Variants in DNAJC15 observed in about 807,000 individuals in gnomAD.
DNAJC15 encodes DnaJ heat shock protein family (Hsp40) member C15.
A neutral mutation model predicts 22.4 loss-of-function variants in DNAJC15; 27 were observed. The ratio of observed to expected loss-of-function variants is 1.20; its 90% CI spans 0.89 to 1.66. DNAJC15 has a LOEUF of 1.66. Among genes scored for constraint, DNAJC15 ranks in the 40% most tolerant of loss-of-function variants. DNAJC15 has a pLI of 0.00. For synonymous variants in DNAJC15, 79 were observed against 63.2 expected, an observed-to-expected ratio of 1.25 and a Z score of -1.19; for missense variants, 208 against 187.1, an observed-to-expected ratio of 1.11 and a Z score of -0.65.
chr13:43,073,949 C>A (rs2040620606), intron 3 of DNAJC15, among the ~76,000 whole-genome samples: 1 of 143,792 alleles, frequency 7.0e-6, no homozygotes, highest in African/African-American at 2.5e-5. Context: ...GGGGAGAAAA[C>A]CCATCCTTCT....
intron 2 of DNAJC15, 71 bp from the exon 3 acceptor site, chr13:43,068,858 CA>C (rs1367316063): frequency 7.9e-7 from 1 of 1,258,150 alleles, no homozygotes; most frequent in African/African-American, 1.5e-5. Flanking sequence ...AATACTGTTG[CA>C]AGCACTTTGA....
intron 1 of DNAJC15, among the ~76,000 whole-genome samples, chr13:43,027,627 C>T (rs116041789): frequency 1.3e-5 from 2 of 152,088 alleles, no homozygotes; most frequent in African/African-American, 2.4e-5. Flanking sequence ...CATTGGTAAT[C>T]ACATGGATTA....
intron 4 of DNAJC15, among the ~76,000 whole-genome samples, chr13:43,080,027 A>T (rs1026209425): frequency 2.6e-5 from 4 of 152,200 alleles, no homozygotes; most frequent in African/African-American, 9.6e-5. Flanking sequence ...AGTTGCCGTG[A>T]AGATTAAATT....
chr13:43,078,014 T>C (rs1198834375), intron 3 of DNAJC15, among the ~76,000 whole-genome samples: 1 of 152,228 alleles, frequency 6.6e-6, no homozygotes, highest in Non-Finnish European at 1.5e-5. Context: ...ATTCCAGTGC[T>C]CTGGCTTCTC....
At chr13:43,080,853 G>A (rs1014227177) in intron 4 of DNAJC15, among the ~76,000 whole-genome samples, 1 of 152,184 alleles carries the variant, frequency 6.6e-6, no homozygotes, top group Non-Finnish European at 1.5e-5. Context: ...AACACATTAA[G>A]TGGAAAGGTA....
intron 5 of DNAJC15, among the ~76,000 whole-genome samples, chr13:43,102,248 A>G (rs975675453): frequency 5.9e-5 from 9 of 151,716 alleles, no homozygotes; most frequent in Admixed American, 2.6e-4. Flanking sequence ...TTGTCTTTTC[A>G]TGTCCTTAGC....
intron 5 of DNAJC15, among the ~76,000 whole-genome samples, chr13:43,088,033 T>G (rs2040697499): frequency 6.6e-6 from 1 of 152,172 alleles, no homozygotes; most frequent in Admixed American, 6.5e-5. Context: ...GGTTATGAAA[T>G]GAGTAGTTTT....
chr13:43,095,434 T>C (rs1386897049), intron 5 of DNAJC15, among the ~76,000 whole-genome samples: 1 of 152,072 alleles, frequency 6.6e-6, no homozygotes, highest in Non-Finnish European at 1.5e-5. Context: ...AATGAATTAG[T>C]CAGTAGATTG....
intron 1 of DNAJC15, among the ~76,000 whole-genome samples, chr13:43,032,758 G>A (rs528514413): frequency 6.6e-6 from 1 of 152,134 alleles, no homozygotes; most frequent in African/African-American, 2.4e-5. Flanking sequence ...CCGGGAGGTG[G>A]AGGCTACAGT....
chr13:43,046,830 C>T (rs984594968), intron 1 of DNAJC15, among the ~76,000 whole-genome samples: 1 of 152,228 alleles, frequency 6.6e-6, no homozygotes, highest in Admixed American at 6.5e-5. Context: ...ACTTACACCC[C>T]TCTGGATCCA....
chr13:43,056,108 T>C (rs931168809), intron 1 of DNAJC15, among the ~76,000 whole-genome samples: 3 of 152,090 alleles, frequency 2.0e-5, no homozygotes, highest in African/African-American at 7.2e-5. Flanking sequence ...AGAGAGTACT[T>C]GATATAATTT....
At chr13:43,059,762 C>T (rs1444355317) in intron 1 of DNAJC15, among the ~76,000 whole-genome samples, 2 of 152,168 alleles carry the variant, frequency 1.3e-5, no homozygotes, top group East Asian at 3.8e-4. Context: ...CGGGCTGAGT[C>T]CGAAAAGAGA....
intron 3 of DNAJC15, among the ~76,000 whole-genome samples, chr13:43,073,497 A>G (rs115616302): frequency 0.017 from 2,604 of 152,330 alleles, 90 homozygotes; most frequent in East Asian, 0.11. Context: ...CATGACAGGT[A>G]CCTGGCCTCT....
chr13:43,028,713 G>A (rs2040391561), intron 1 of DNAJC15, among the ~76,000 whole-genome samples: 1 of 152,058 alleles, frequency 6.6e-6, no homozygotes, highest in Admixed American at 6.6e-5. Context: ...TTATGGTTCT[G>A]TGACTTTACT....
chr13:43,097,907 A>T (rs756528169), intron 5 of DNAJC15, among the ~76,000 whole-genome samples: 4 of 152,176 alleles, frequency 2.6e-5, no homozygotes, highest in Non-Finnish European at 5.9e-5. Context: ...ATTGCACTCT[A>T]GCCTGGGCAA....
chr13:43,072,811 A>G (rs2040615180), intron 3 of DNAJC15, among the ~76,000 whole-genome samples: 1 of 152,096 alleles, frequency 6.6e-6, no homozygotes, highest in African/African-American at 2.4e-5. Flanking sequence ...TGATCCACCC[A>G]CCTCAACCTC....
intron 5 of DNAJC15, among the ~76,000 whole-genome samples, chr13:43,106,533 A>G (rs2040797572): frequency 6.6e-6 from 1 of 152,126 alleles, no homozygotes; most frequent in African/African-American, 2.4e-5. Context: ...TAAATCCAAA[A>G]CTACACTCTG....
rs1369925757 is a variant in DNAJC15, at chr13:43,109,953, A to G, written c.*2705A>G. The G allele has an allele frequency of 6.6e-6, 1 of 152,272 alleles. No individual in the cohort carries two copies. Among genetic ancestry groups the G allele is most frequent in the East Asian group, 1.9e-4 (1 of 5,188 alleles). The allele number at this position is 152,272 out of a possible 1,614,324, so 9.4% of individuals were successfully genotyped here. A position where few individuals can be genotyped will look rare whatever the true frequency, so the allele number is the denominator to read the frequency against. On this transcript the variant is annotated 3_prime_UTR_variant, in exon 6 of 6. Transcript: ENST00000379221. ...GTCACGTAAATGCTTAAAAAAATGT[A>G]ATTTTTACTTCTTTCACTGCCTCAT...
At chr13:43,026,983 G>A (rs538580407) in intron 1 of DNAJC15, among the ~76,000 whole-genome samples, 99 of 152,248 alleles carry the variant, frequency 6.5e-4, no homozygotes, top group African/African-American at 2.4e-3. Context: ...AGCCTGCTTA[G>A]GAGATTAAAA....
Sources: allele counts gnomAD v4.1 joint callset (sites outside exome capture counted in the v4.1 genomes callset), GRCh38; gene constraint gnomAD v4.1.1; transcripts MANE v1.5; gene names NCBI Gene and HGNC (gene_info 2026-07-23, HGNC 2026-07-21).